Variants in SCEL observed in about 807,000 individuals in gnomAD.
The protein encoded by SCEL is sciellin.
SCEL carries 113 observed loss-of-function variants against 117.6 expected under a neutral mutation model. The observed-to-expected ratio is 0.96, with a 90% confidence interval of 0.83 to 1.12. SCEL has a LOEUF of 1.12. Among genes scored for constraint, SCEL ranks in the 50% most tolerant of loss-of-function variants. SCEL has a pLI of 0.00. For synonymous variants in SCEL, 270 were observed against 256.2 expected, an observed-to-expected ratio of 1.05 and a Z score of -0.51; for missense variants, 785 against 810.8, an observed-to-expected ratio of 0.97 and a Z score of 0.39.
At position 77,609,095 on chromosome 13, in the gene SCEL, G is replaced by C. The variant is rs756550615; in HGVS notation, c.1255G>C (p.Gly419Arg). ...DLNNFIKVYP[G>R]TEKSTEGGQS... ...TAATAACTTCATCAAAGTGTATCCAGGAACAGAAAAAAGTACTGAAGGGTA... is the reference window on the plus strand; with the variant it reads ...TAATAACTTCATCAAAGTGTATCCACGAACAGAAAAAAGTACTGAAGGGTA... Residue 419 changes from glycine (G) to arginine (R), a missense_variant, in exon 21 of 33, where the codon GGA becomes CGA. Coordinates refer to ENST00000349847, the MANE Select transcript of SCEL (RefSeq NM_144777.3). The C allele has an allele frequency of 8.8e-6, 14 of 1,595,220 alleles. No individual in the cohort carries two copies.
chr13:77,557,258 A>G (rs1029181839), intron 3 of SCEL, among the ~76,000 whole-genome samples: 2 of 152,228 alleles, frequency 1.3e-5, no homozygotes, highest in Non-Finnish European at 2.9e-5. Context: ...GTTTGTTTTG[A>G]GCATTGCTTC....
intron 12 of SCEL, among the ~76,000 whole-genome samples, chr13:77,595,026 TG>T (rs2087137437): frequency 6.6e-6 from 1 of 152,232 alleles, no homozygotes; most frequent in Non-Finnish European, 1.5e-5. Context: ...GGTAATATTT[TG>T]TTTCCAGTAG....
At chr13:77,627,846 A>T (rs1223049066) in intron 27 of SCEL, 101 bp from the exon 28 acceptor site, 1 of 346,352 alleles carries the variant, frequency 2.9e-6, no homozygotes, top group African/African-American at 2.1e-5. Flanking sequence ...ACCACAAATG[A>T]CTGTGTCTAA....
chr13:77,552,299 A>C (rs1257245231), intron 1 of SCEL, among the ~76,000 whole-genome samples: 2 of 150,666 alleles, frequency 1.3e-5, no homozygotes, highest in East Asian at 3.9e-4. Context: ...GAACTAGTTT[A>C]CAGTCCCACC....
At position 77,559,758 on chromosome 13, in the gene SCEL, A is replaced by C. The variant is rs533377505; in HGVS notation, c.162-46A>C. On this transcript the variant is annotated intron_variant, in intron 3 of 32. Transcript: ENST00000349847. ...CTCTCTCATTTAGTGCTTGGTCAAC[A>C]TTGTGGTAACTTTCTATGTGACATA... 12 of 1,562,586 alleles carry C rather than the reference A, an allele frequency of 7.7e-6. No homozygotes were observed. The East Asian group carries it at 2.7e-4, about 35-fold the overall frequency.
intron 9 of SCEL, among the ~76,000 whole-genome samples, chr13:77,573,546 A>G (rs9544540): frequency 0.1 from 15,702 of 152,126 alleles, 1,343 homozygotes; most frequent in East Asian, 0.44. Context: ...GTATTTTGCA[A>G]TAATTTGAGT....
chr13:77,633,159 G>A (rs916052219), intron 28 of SCEL, among the ~76,000 whole-genome samples: 19 of 152,266 alleles, frequency 1.2e-4, no homozygotes, highest in African/African-American at 3.6e-4. Context: ...AACACAGGCC[G>A]GGCGCGGTGG....
At position 77,593,584 on chromosome 13, in the gene SCEL, AGAGCTTTT is replaced by A; in HGVS notation, c.752+18_752+25del. 1 of 1,608,432 alleles carries A rather than the reference AGAGCTTTT, an allele frequency of 6.2e-7. No individual in the cohort carries two copies. Among genetic ancestry groups the A allele is most frequent in the African/African-American group, 1.3e-5 (1 of 74,846 alleles). On this transcript the variant is annotated intron_variant, in intron 12 of 32. Coordinates refer to ENST00000349847, the MANE Select transcript of SCEL (RefSeq NM_144777.3). ...GAGAAGTGACAAAGGGTGAGATCTCAGAGCTTTTGAGCTTGGGTTTTATCTTCCCTGGT... is the reference window on the plus strand; with the variant it reads ...GAGAAGTGACAAAGGGTGAGATCTCAGAGCTTGGGTTTTATCTTCCCTGGT...
At chr13:77,623,270 CAG>C (rs1395608683) in intron 27 of SCEL, 2 of 152,216 alleles carry the variant, frequency 1.3e-5, no homozygotes, top group African/African-American at 4.8e-5. Context: ...TGGCATCAAT[CAG>C]AGTGAATAGC....
rs151198466 is a variant in SCEL at position 77,569,668 on chromosome 13, G to T, written c.479+217G>T. Among the ~76,000 whole-genome samples the T allele has an allele frequency of 2.6e-5, 4 of 152,134 alleles. No individual in the cohort carries two copies. The East Asian group carries it at 5.8e-4, about 22-fold the overall frequency. On this transcript the variant is annotated intron_variant, in intron 8 of 32. Coordinates refer to ENST00000349847, the MANE Select transcript of SCEL (RefSeq NM_144777.3). ...GGAAATGTTTTAGATGATAGAGCTC[G>T]CATGTTAAATGACAGACTACTTGAG...
chr13:77,636,176 T>C (rs2329035), intron 29 of SCEL, among the ~76,000 whole-genome samples: 135,335 of 152,130 alleles, frequency 0.89, 60,477 homozygotes, highest in South Asian at 0.97. Context: ...CCAAGAGTCA[T>C]ATTTGAGGTT....
intron 4 of SCEL, among the ~76,000 whole-genome samples, chr13:77,560,374 G>T (rs545207943): frequency 6.6e-6 from 1 of 152,234 alleles, no homozygotes. Flanking sequence ...GGACATTGAG[G>T]CTGGAGTGGG....
intron 9 of SCEL, among the ~76,000 whole-genome samples, chr13:77,584,815 G>A (rs2086470471): frequency 6.6e-6 from 1 of 152,140 alleles, no homozygotes; most frequent in Non-Finnish European, 1.5e-5. Flanking sequence ...ATACACTAAA[G>A]ACTGTATCAC....
rs1364774506 is a variant in SCEL, at chr13:77,599,706, G to A, written c.875G>A (p.Ser292Asn). The A allele has an allele frequency of 1.9e-6, 3 of 1,612,122 alleles. No individual in the cohort carries two copies. In the African/African-American group the frequency reaches 4.0e-5, roughly 22 times the overall value. The change falls in exon 15 of 33, where the codon AGT becomes AAT. Residue 292 changes from serine to asparagine, a missense_variant. Transcript: ENST00000349847. ...GTTTTCAGAGCCAAAAGCCTTGAAA[G>A]TCTCATCTATATGAGTACCCGGACA... ...EREKRAKSLE[S>N]LIYMSTRTDK...
At chr13:77,571,983 T>G (rs2085660678) in intron 8 of SCEL, 141 bp from the exon 9 acceptor site, 1 of 686,120 alleles carries the variant, frequency 1.5e-6, no homozygotes, top group Admixed American at 2.2e-5. Context: ...TACTTCCTAC[T>G]TCATTTATGA....
chr13:77,584,448 T>G (rs1033163908), intron 9 of SCEL, among the ~76,000 whole-genome samples: 12 of 152,214 alleles, frequency 7.9e-5, no homozygotes, highest in Non-Finnish European at 7.3e-5. Context: ...TCTGCTTTTC[T>G]TGGCCTTCAT....
intron 1 of SCEL, among the ~76,000 whole-genome samples, chr13:77,537,867 T>C (rs1179323468): frequency 1.3e-5 from 2 of 152,198 alleles, no homozygotes; most frequent in African/African-American, 4.8e-5. Flanking sequence ...ACTGAGAGTA[T>C]CTTATACGGT....
At chr13:77,632,662 A>G (rs1001301916) in intron 28 of SCEL, among the ~76,000 whole-genome samples, 2 of 152,224 alleles carry the variant, frequency 1.3e-5, no homozygotes, top group Non-Finnish European at 2.9e-5. Context: ...TTAGGTTTTC[A>G]TGTCTCTTCT....
intron 8 of SCEL, 34 bp from the exon 9 acceptor site, chr13:77,572,090 T>C (rs1692515119): frequency 1.3e-6 from 2 of 1,587,042 alleles, no homozygotes. Flanking sequence ...AGCCTTTCAA[T>C]CACAATGTTT....
Sources: gnomAD v4.1 joint callset for allele counts (sites outside exome capture counted in the v4.1 genomes callset) on GRCh38, gnomAD v4.1.1 for gene constraint, MANE v1.5 for transcripts, NCBI Gene and HGNC (gene_info 2026-07-23, HGNC 2026-07-21) for gene names.